The following TPD52 variants were observed in gnomAD, a reference collection of about 807,000 sequenced individuals.
TPD52 encodes the protein prostate and colon associated protein.
Under a neutral mutation model 31.3 loss-of-function variants are expected in TPD52, and 17 were observed. The observed-to-expected ratio is 0.54, with a 90% confidence interval of 0.37 to 0.82. The LOEUF is 0.82. TPD52 is among the 40% of genes least tolerant of loss of function. TPD52 has a pLI of 0.00. For missense variants in TPD52, 212 were observed against 240.1 expected (o/e 0.88, Z 0.77); for synonymous variants, 83 against 89.6 (o/e 0.93, Z 0.42).
chr8:80,151,424 G>A (rs976859481), intron 1 of TPD52, among the ~76,000 whole-genome samples: 2 of 152,338 alleles, frequency 1.3e-5, no homozygotes, highest in East Asian at 1.9e-4. Context: ...GATTGTTAAA[G>A]TATATTAAAC....
At chr8:80,082,116 G>GTC (rs1330248179) in intron 1 of TPD52, among the ~76,000 whole-genome samples, 1 of 140,776 alleles carries the variant, frequency 7.1e-6, no homozygotes, top group Non-Finnish European at 1.5e-5. Context: ...ACTATGGTAA[G>GTC]TCTTTTTTTT....
At chr8:80,100,544 G>A (rs1806655272) in intron 1 of TPD52, among the ~76,000 whole-genome samples, 1 of 152,188 alleles carries the variant, frequency 6.6e-6, no homozygotes, top group South Asian at 2.1e-4. Flanking sequence ...TTTTCAGCAG[G>A]TGGCATCTCA....
chr8:80,139,732 T>C (rs1809693291), intron 1 of TPD52, among the ~76,000 whole-genome samples: 1 of 152,202 alleles, frequency 6.6e-6, no homozygotes, highest in Non-Finnish European at 1.5e-5. Context: ...ACTTAAAAAT[T>C]TGTTAAGAGG....
chr8:80,118,806 T>C (rs552181862), intron 1 of TPD52, among the ~76,000 whole-genome samples: 1 of 152,298 alleles, frequency 6.6e-6, no homozygotes, highest in South Asian at 2.1e-4. Flanking sequence ...ACAATCTTCA[T>C]ACACTCCTAA....
At chr8:80,123,110 G>A (rs868806755) in intron 1 of TPD52, 3 of 152,408 alleles carry the variant, frequency 2.0e-5, no homozygotes, top group African/African-American at 4.8e-5. Flanking sequence ...TGGGAGGAAA[G>A]GAGGTAAGTG....
intron 1 of TPD52, among the ~76,000 whole-genome samples, chr8:80,124,165 TCTTTTTG>T (rs1381523641): frequency 2.1e-5 from 2 of 95,822 alleles, no homozygotes; most frequent in African/African-American, 1.4e-4. Context: ...TCTCTCTCTC[TCTTTTTG>T]TTTTTTTTTT....
At chr8:80,167,171 TTATG>T (rs1357300855) in intron 1 of TPD52, among the ~76,000 whole-genome samples, 1 of 152,194 alleles carries the variant, frequency 6.6e-6, no homozygotes, top group East Asian at 1.9e-4. Context: ...ATGGCTAAAA[TTATG>T]GTTTCAGTAC....
At chr8:80,170,258 A>T (rs1811990531) in intron 1 of TPD52, among the ~76,000 whole-genome samples, 1 of 152,148 alleles carries the variant, frequency 6.6e-6, no homozygotes, top group Non-Finnish European at 1.5e-5. Flanking sequence ...TCTACTAAAA[A>T]TACAAAATTA....
intron 7 of TPD52, among the ~76,000 whole-genome samples, chr8:80,039,484 C>T (rs1268846002): frequency 1.3e-5 from 2 of 152,038 alleles, no homozygotes; most frequent in Non-Finnish European, 2.9e-5. Flanking sequence ...ATTGCACTAA[C>T]TTAATTCACT....
chr8:80,135,982 T>G (rs1586369114), intron 1 of TPD52, among the ~76,000 whole-genome samples: 1 of 76,388 alleles, frequency 1.3e-5, no homozygotes, highest in Non-Finnish European at 2.5e-5. Flanking sequence ...GGGACTGTTG[T>G]GGGGTGGGGG....
intron 1 of TPD52, chr8:80,067,336 C>G (rs67179492): frequency 6.6e-6 from 1 of 151,952 alleles, no homozygotes; most frequent in African/African-American, 2.4e-5. Context: ...AAATCATTAT[C>G]ATTAAAATTA....
chr8:80,080,752 T>C (rs1815183706), intron 1 of TPD52: 2 of 1,071,242 alleles, frequency 1.9e-6, no homozygotes, highest in South Asian at 4.2e-5. Context: ...GGGAGCGAGC[T>C]TTCCTCAGTC....
At chr8:80,154,975 TTGGC>T (rs1011519318) in intron 1 of TPD52, among the ~76,000 whole-genome samples, 8 of 150,598 alleles carry the variant, frequency 5.3e-5, no homozygotes, top group Admixed American at 4.0e-4. Flanking sequence ...GGTTGGTTGG[TTGGC>T]TTTTTGTGTT....
chr8:80,171,434 C>T lies in TPD52; in HGVS notation c.10G>A (p.Gly4Ser). 1 of 1,595,000 alleles carries T rather than the reference C, an allele frequency of 6.3e-7. No homozygotes were observed. The highest frequency in any genetic ancestry group is 8.5e-7 in the Non-Finnish European group (1 of 1,177,720). Residue 4 changes from glycine (G) to serine (S), a missense_variant, in exon 1 of 8, where the codon GGC becomes AGC. Coordinates refer to ENST00000518937, the MANE Select transcript of TPD52 (RefSeq NM_001025253.3). ...GGGTCCGCGCCCTCACCTTGCTCGC[C>T]GCGGTCCATGTCTCCAGCCCGCCGC... MDR[G>S]EQGLLRTDPV...
In TPD52 at chr8:80,072,798, C is replaced by CATATATATATAT. The variant is rs779389191; in HGVS notation, c.20-8217_20-8206dup. 3.1e-4 allele frequency among the ~76,000 whole-genome samples: 44 copies of CATATATATATAT among 141,084 alleles called. No individual in the cohort carries two copies. In the South Asian group the frequency reaches 7.5e-3, roughly 24 times the overall value. 92.6% of individuals were successfully genotyped at this position (141,084 alleles called of 152,430 possible). On this transcript the variant is annotated intron_variant, in intron 1 of 7. Transcript: ENST00000518937. ...ATATATACACATACACACACACACA[C>CATATATATATAT]ATATATATATATATATAAACTTGGC...
intron 1 of TPD52, among the ~76,000 whole-genome samples, chr8:80,156,074 T>C (rs1810952015): frequency 6.6e-6 from 1 of 152,064 alleles, no homozygotes; most frequent in South Asian, 2.1e-4. Context: ...ACTACTGTAG[T>C]TTGGGCATGG....
chr8:80,157,453 G>A (rs1003030190), intron 1 of TPD52, among the ~76,000 whole-genome samples: 3 of 152,150 alleles, frequency 2.0e-5, no homozygotes, highest in Non-Finnish European at 2.9e-5. Flanking sequence ...ACCAGGAGAG[G>A]CAGGCTTGGC....
chr8:80,114,021 G>C (rs1374903432), intron 1 of TPD52, among the ~76,000 whole-genome samples: 1 of 152,194 alleles, frequency 6.6e-6, no homozygotes, highest in Non-Finnish European at 1.5e-5. Context: ...GAAGCAGGCA[G>C]ATCACTTGAG....
intron 1 of TPD52, chr8:80,080,874 A>C (rs1253939334): frequency 1.8e-6 from 1 of 562,554 alleles, no homozygotes; most frequent in African/African-American, 2.0e-5. Context: ...AAAATAAATA[A>C]ATAAAAAAAT....
Sources: allele counts gnomAD v4.1 joint callset (sites outside exome capture counted in the v4.1 genomes callset), GRCh38; gene constraint gnomAD v4.1.1; transcripts MANE v1.5; gene names NCBI Gene and HGNC (gene_info 2026-07-23, HGNC 2026-07-21).